Variants in ANKRD18B observed in about 807,000 individuals in gnomAD.
ANKRD18B encodes the protein ankyrin repeat domain-containing protein 18B.
In ANKRD18B, 75 loss-of-function variants were observed where a neutral mutation model predicts 111.8. The ratio of observed to expected loss-of-function variants is 0.67; its 90% CI spans 0.56 to 0.81. ANKRD18B has a LOEUF of 0.81. ANKRD18B is among the 40% of genes least tolerant of loss of function. The pLI is 0.00. For missense variants in ANKRD18B, 1,038 were observed against 1,225.5 expected, an observed-to-expected ratio of 0.85 and a Z score of 2.28; for synonymous variants, 356 against 417.3, an observed-to-expected ratio of 0.85 and a Z score of 1.79.
intron 15 of ANKRD18B, among the ~76,000 whole-genome samples, chr9:33,566,722 A>G (rs1728586537): frequency 6.6e-6 from 1 of 152,198 alleles, no homozygotes; most frequent in Admixed American, 6.5e-5. Context: ...CTCACTATAC[A>G]GTAAAAGGGG....
chr9:33,574,070 G>A (rs568901844), downstream of ANKRD18B, among the ~76,000 whole-genome samples: 8 of 142,792 alleles, frequency 5.6e-5, 1 homozygote, highest in South Asian at 2.3e-4. Flanking sequence ...GTCAGAGGGG[G>A]CTCAGTCGGC....
chr9:33,550,631 C>A, intron 12 of ANKRD18B, 52 bp downstream of exon 12: 11 of 1,442,628 alleles, frequency 7.6e-6, no homozygotes, highest in Non-Finnish European at 1.0e-5. Flanking sequence ...GGTTGAATAC[C>A]AGTATCCTAA....
chr9:33,564,373 A>C (rs1198474547), intron 14 of ANKRD18B, among the ~76,000 whole-genome samples: 2 of 152,212 alleles, frequency 1.3e-5, no homozygotes, highest in Admixed American at 6.5e-5. Flanking sequence ...ACAAGTAAGA[A>C]GATTTCATTT....
intron 1 of ANKRD18B, chr9:33,528,502 C>T (rs1174069402): frequency 1.8e-5 from 8 of 441,920 alleles, no homozygotes; most frequent in Non-Finnish European, 2.8e-5. Context: ...AACTCAAGCC[C>T]TAGTTAAGCT....
intron 14 of ANKRD18B, among the ~76,000 whole-genome samples, chr9:33,559,982 A>G (rs1402110360): frequency 2.6e-5 from 4 of 152,226 alleles, no homozygotes; most frequent in Non-Finnish European, 4.4e-5. Flanking sequence ...CCTCAGCCCT[A>G]GGGAACCACC....
chr9:33,528,448 A>C (rs1422540999), intron 1 of ANKRD18B, among the ~76,000 whole-genome samples: 1 of 152,254 alleles, frequency 6.6e-6, no homozygotes, highest in Non-Finnish European at 1.5e-5. Context: ...ATTCAGGCAC[A>C]GAAAGGCTAA....
At chr9:33,527,545 C>A (rs1402655130) in intron 1 of ANKRD18B, among the ~76,000 whole-genome samples, 4 of 152,214 alleles carry the variant, frequency 2.6e-5, no homozygotes, top group Non-Finnish European at 4.4e-5. Flanking sequence ...TGGTCTTGAA[C>A]TCCTGACCTA....
rs1350417297 is a variant in ANKRD18B at position 33,566,409 on chromosome 9, T to C, written c.2651T>C (p.Met884Thr). ...LNLKTHMEKD[M>T]VELGKVQEYK... ...CTTAAGACACATATGGAAAAAGATA[T>C]GGTAGAACTTGGTAAAGTACAAGAA... The change falls in exon 15 of 19, where the codon ATG becomes ACG. Residue 884 changes from methionine (M) to threonine (T), a missense_variant. Around this residue, in one of 4 missense-constraint regions of ANKRD18B, gnomAD observed 524 missense variants for 677.9 expected, o/e 0.77. Transcript: ENST00000684830. 1.2e-6 allele frequency: 2 copies of C among 1,607,252 alleles called. No homozygotes were observed. Among genetic ancestry groups the C allele is most frequent in the Non-Finnish European group, 1.7e-6 (2 of 1,176,840 alleles).
Position 33,567,076 on chromosome 9 carries a change from A to G in ANKRD18B, c.2743-27A>G. ...TGGTAATTAACTTATAATTGTTTTAAAAGTGTATTCTTTTCATTTGTTTTA... is the reference window on the plus strand; with the variant it reads ...TGGTAATTAACTTATAATTGTTTTAGAAGTGTATTCTTTTCATTTGTTTTA... On this transcript the variant is annotated intron_variant, in intron 15 of 18. Coordinates refer to ENST00000684830, the MANE Select transcript of ANKRD18B (RefSeq NM_001393611.1). The G allele has an allele frequency of 3.3e-6, 5 of 1,498,448 alleles. No individual in the cohort carries two copies. The East Asian group carries it at 9.9e-5, about 30-fold the overall frequency. The allele number at this position is 1,498,448 out of a possible 1,614,324, so 92.8% of individuals were successfully genotyped here.
intron 6 of ANKRD18B, among the ~76,000 whole-genome samples, chr9:33,538,066 C>T (rs1212285115): frequency 1.3e-5 from 2 of 152,144 alleles, no homozygotes; most frequent in East Asian, 3.9e-4. Flanking sequence ...GCAGTTCAAA[C>T]TCTTGTTGTT....
chr9:33,535,838 ATC>A, intron 5 of ANKRD18B, among the ~76,000 whole-genome samples: 1 of 147,356 alleles, frequency 6.8e-6, no homozygotes, highest in Non-Finnish European at 1.5e-5. Context: ...AGATTATATA[ATC>A]TCTTATATTA....
intron 15 of ANKRD18B, 177 bp from the exon 16 acceptor site, chr9:33,566,926 C>T: frequency 1.6e-6 from 1 of 614,028 alleles, no homozygotes; most frequent in South Asian, 2.6e-5. Context: ...ATAAATCAGA[C>T]AATTCTGAAT....
rs756317110 is a variant in ANKRD18B, at chr9:33,529,113, G to A, written c.435G>A (p.Glu145=). The change falls in exon 3 of 19, where the codon GAG becomes GAA. Residue 145 remains glutamate, a synonymous_variant. Coordinates refer to ENST00000684830, the MANE Select transcript of ANKRD18B (RefSeq NM_001393611.1). ...CTCTCCATTATGCCGTGTATAATGA[G>A]GGGACTTCACTGGCAGAAAGACTGC... ...NTALHYAVYN[E]GTSLAERLLS... The A allele has an allele frequency of 3.1e-6, 5 of 1,611,814 alleles. No homozygotes were observed. The South Asian group carries it at 3.3e-5, about 11-fold the overall frequency.
chr9:33,553,338 A>G (rs541871856), intron 12 of ANKRD18B, among the ~76,000 whole-genome samples: 1 of 152,194 alleles, frequency 6.6e-6, no homozygotes, highest in South Asian at 2.1e-4. Flanking sequence ...ACTGCACTCC[A>G]GCCTGGGTAA....
chr9:33,544,992 C>A (rs752255452), intron 10 of ANKRD18B, among the ~76,000 whole-genome samples: 2 of 152,146 alleles, frequency 1.3e-5, no homozygotes, highest in African/African-American at 4.8e-5. Context: ...TGAATCCTAT[C>A]CCTGATGGTG....
At chr9:33,550,356 A>G (rs1356187296) in intron 11 of ANKRD18B, 74 bp from the exon 12 acceptor site, 18 of 1,397,048 alleles carry the variant, frequency 1.3e-5, no homozygotes, top group Non-Finnish European at 1.7e-5. Context: ...CAAAGTATGT[A>G]TGCTAGAGTT....
In ANKRD18B at chr9:33,541,152, G is replaced by A. The variant is rs1388984760; in HGVS notation, c.1003G>A (p.Ala335Thr). The change falls in exon 9 of 19, where the codon GCA (alanine) becomes ACA (threonine). Residue 335 changes from alanine (A) to threonine (T), a missense_variant. Physicochemically the swap from Ala to Thr is moderately conservative, Grantham distance 58. Around this residue, in one of 4 missense-constraint regions of ANKRD18B, gnomAD observed 93 missense variants for 141.3 expected, o/e 0.66. Transcript: ENST00000684830. ...NRHMRPCPET[A>T]AMKPENLKKR... Reference sequence around the variant, plus strand: ...CAAGTTTGCGTGTTTGACAGAAACAGCAGCTATGAAGCCTGAAAATTTGAA... The same window carrying A: ...CAAGTTTGCGTGTTTGACAGAAACAACAGCTATGAAGCCTGAAAATTTGAA... The A allele has an allele frequency of 6.5e-7, 1 of 1,540,380 alleles. No individual in the cohort carries two copies. The highest frequency in any genetic ancestry group is 1.4e-5 in the African/African-American group (1 of 71,684).
chr9:33,557,136 T>G (rs1828538992), intron 13 of ANKRD18B, among the ~76,000 whole-genome samples: 1 of 152,154 alleles, frequency 6.6e-6, no homozygotes, highest in Non-Finnish European at 1.5e-5. Flanking sequence ...TGACATTATG[T>G]CAGTAAAGAT....
At position 33,532,707 on chromosome 9, in the gene ANKRD18B, G is replaced by T. The variant is rs138130722; in HGVS notation, c.496-732G>T. Among the ~76,000 whole-genome samples, 189 of 152,256 alleles carry T rather than the reference G, an allele frequency of 1.2e-3. 1 individual carries two copies. The highest frequency in any genetic ancestry group is 4.8e-3 in the East Asian group (25 of 5,186). On this transcript the variant is annotated intron_variant, in intron 3 of 18. Coordinates refer to ENST00000684830, the MANE Select transcript of ANKRD18B (RefSeq NM_001393611.1). ...TTTGGATCAGGAGTGCCTGACATTG[G>T]CATCCTGAGACCATTGATAGAAGTA...
Sources: gnomAD v4.1 joint callset for allele counts (sites outside exome capture counted in the v4.1 genomes callset) on GRCh38, gnomAD v4.1.1 for gene constraint, gnomAD v4.1.1 regional missense constraint, MANE v1.5 for transcripts, NCBI Gene and HGNC (gene_info 2026-07-23, HGNC 2026-07-21) for gene names.